TCHP: variants seen among roughly 807,000 people sequenced by gnomAD.
TCHP encodes the protein trichoplein keratin filament-binding protein.
Under a neutral mutation model 88.7 loss-of-function variants are expected in TCHP, and 81 were observed. That is an observed-to-expected ratio of 0.91 (90% confidence interval 0.76 to 1.10). TCHP has a LOEUF of 1.10. TCHP is among the 50% of genes least tolerant of loss of function. The pLI is 0.00. For synonymous variants in TCHP, 232 were observed against 232.5 expected (o/e 1.00, Z 0.02); for missense variants, 641 against 632.1 (o/e 1.01, Z -0.15).
chr12:109,895,240 C>T, the TCHP span, among the ~76,000 whole-genome samples: 3 of 139,830 alleles, frequency 2.1e-5, no homozygotes, highest in Admixed American at 7.4e-5. Context: ...GACAGTGTCT[C>T]ATTCTCTCAC....
In TCHP at chr12:109,913,684, AAG is replaced by A. The variant is rs1302532081; in HGVS notation, c.1134+619_1134+620del. Among the ~76,000 whole-genome samples, 7 of 152,286 alleles carry A rather than the reference AAG, an allele frequency of 4.6e-5. No homozygotes were observed. In the East Asian group the frequency reaches 1.3e-3, roughly 29 times the overall value. ...CAACCGCAGAGAAATCTGGGAGGAG[AAG>A]AGAGAGTGTTACCCATGGGCTGAAA... On this transcript the variant is annotated intron_variant, in intron 10 of 12. Coordinates refer to ENST00000405876, the MANE Select transcript of TCHP (RefSeq NM_001143852.2).
chr12:109,899,894 G>T (rs552625675), upstream of TCHP, among the ~76,000 whole-genome samples: 91 of 152,116 alleles, frequency 6.0e-4, no homozygotes, highest in African/African-American at 1.8e-3. Flanking sequence ...GATCTCCTGG[G>T]CTCAACTGAT....
the TCHP span, among the ~76,000 whole-genome samples, chr12:109,893,860 G>A: frequency 9.2e-5 from 14 of 152,228 alleles, no homozygotes; most frequent in African/African-American, 3.4e-4. Flanking sequence ...TAACCAATGG[G>A]GACAGAGAGA....
Position 109,915,321 on chromosome 12 carries a change from G to A in TCHP, c.1321-82G>A, listed in dbSNP as rs540527525. The A allele has an allele frequency of 1.6e-4, 249 of 1,599,706 alleles. No homozygotes were observed. The African/African-American group carries it at 2.3e-3, about 15-fold the overall frequency. ...TGGATTCTCCAGTCTGGGTAGGGCC[G>A]CAGGCTTACCTTCCTCATCAGAGGC... On this transcript the variant is annotated intron_variant, in intron 11 of 12. Coordinates refer to ENST00000405876, the MANE Select transcript of TCHP (RefSeq NM_001143852.2).
At chr12:109,913,957 C>T (rs886927033) in intron 10 of TCHP, among the ~76,000 whole-genome samples, 1 of 152,152 alleles carries the variant, frequency 6.6e-6, no homozygotes, top group Non-Finnish European at 1.5e-5. Flanking sequence ...CTGACTGTGG[C>T]CTGGGCTGGA....
chr12:109,902,278 C>T (rs868175317), intron 1 of TCHP, among the ~76,000 whole-genome samples: 3 of 152,272 alleles, frequency 2.0e-5, no homozygotes, highest in African/African-American at 7.2e-5. Context: ...TCAAGCAATC[C>T]TCCTGCCTCA....
At position 109,905,650 on chromosome 12, in the gene TCHP, C is replaced by T. The variant is rs145791402; in HGVS notation, c.456+857C>T. On this transcript the variant is annotated intron_variant, in intron 4 of 12. Coordinates refer to ENST00000405876, the MANE Select transcript of TCHP (RefSeq NM_001143852.2). The surrounding 1 kb of genome is among the most constrained non-coding windows in gnomAD (Gnocchi z 4.0). ...ATTTTCAACTTACAGTTTTTGTATA[C>T]ATTTGGTGCCTTCGTGTTATTCGTA... 1.9e-4 allele frequency among the ~76,000 whole-genome samples: 29 copies of T among 152,316 alleles called. No individual in the cohort carries two copies. The highest frequency in any genetic ancestry group is 6.5e-4 in the African/African-American group (27 of 41,568).
upstream of TCHP, among the ~76,000 whole-genome samples, chr12:109,898,021 T>A (rs1184725248): frequency 6.6e-6 from 1 of 151,942 alleles, no homozygotes; most frequent in African/African-American, 2.4e-5. Flanking sequence ...GGGGTAGGGA[T>A]TAATGGGAGG....
chr12:109,895,295 G>A (rs1286777988), upstream of TCHP, among the ~76,000 whole-genome samples: 1 of 143,862 alleles, frequency 7.0e-6, no homozygotes, highest in Non-Finnish European at 1.5e-5. Flanking sequence ...CTGCAACCTC[G>A]ACTTCCCAGG....
At chr12:109,902,030 TC>T (rs1476904424) in intron 1 of TCHP, among the ~76,000 whole-genome samples, 1 of 152,254 alleles carries the variant, frequency 6.6e-6, no homozygotes, top group Non-Finnish European at 1.5e-5. Flanking sequence ...ATACATGTGT[TC>T]CTTACATTAT....
At chr12:109,884,319 G>T in the TCHP span, among the ~76,000 whole-genome samples, 1 of 151,970 alleles carries the variant, frequency 6.6e-6, no homozygotes, top group Non-Finnish European at 1.5e-5. Context: ...CTCCCGAGTA[G>T]CTGGGACTAC....
At chr12:109,888,214 G>C in the TCHP span, 1 of 152,294 alleles carries the variant, frequency 6.6e-6, no homozygotes, top group Admixed American at 6.5e-5. Context: ...CAGGGCGGGG[G>C]AGAGGTGGGA....
chr12:109,907,413 G>A (rs1012708393), intron 5 of TCHP, 113 bp from the exon 6 acceptor site: 29 of 1,094,716 alleles, frequency 2.6e-5, no homozygotes, highest in Non-Finnish European at 3.7e-5. Flanking sequence ...TTGTCATTTG[G>A]GATTCAGGCA....
At chr12:109,907,882 G>A (rs960729141) in intron 6 of TCHP, among the ~76,000 whole-genome samples, 183 bp downstream of exon 6, 2 of 152,246 alleles carry the variant, frequency 1.3e-5, no homozygotes, top group South Asian at 2.1e-4. Context: ...CATCCTCCTC[G>A]TTTGCGTGCC....
intron 8 of TCHP, among the ~76,000 whole-genome samples, chr12:109,909,582 G>A (rs1371549894): frequency 6.6e-6 from 1 of 152,248 alleles, no homozygotes; most frequent in African/African-American, 2.4e-5. Context: ...CACTTTGAGA[G>A]GCCAAGGCAG....
rs765321270 is a variant in TCHP, at chr12:109,907,689, A to G, written c.689A>G (p.Lys230Arg). ...CAACAGATGGAGGAGCTGAAGCTGA[A>G]GGAGGTGGAGGTGGGCACAAGCCCC... ...LLQQMEELKL[K>R]EVEATKLKKE... The change falls in exon 6 of 13, where the codon AAG (lysine) becomes AGG (arginine). Residue 230 changes from lysine to arginine, a missense_variant. Physicochemically the swap from Lys to Arg is conservative, Grantham distance 26. Coordinates refer to ENST00000405876, the MANE Select transcript of TCHP (RefSeq NM_001143852.2). 37 of 1,598,746 alleles carry G rather than the reference A, an allele frequency of 2.3e-5. No homozygotes were observed. Among genetic ancestry groups the G allele is most frequent in the African/African-American group, 4.0e-5 (3 of 74,472 alleles).
At chr12:109,896,465 G>A (rs1869559474), upstream of TCHP, among the ~76,000 whole-genome samples, 1 of 152,220 alleles carries the variant, frequency 6.6e-6, no homozygotes. Flanking sequence ...AGGCTTAAAT[G>A]AGATAATATA....
the TCHP span, among the ~76,000 whole-genome samples, chr12:109,881,911 A>AC: frequency 1.5e-5 from 2 of 136,892 alleles, no homozygotes; most frequent in Non-Finnish European, 3.2e-5. Flanking sequence ...CATCCTTCCC[A>AC]CCCCTCCCCC....
intron 1 of TCHP, among the ~76,000 whole-genome samples, chr12:109,901,515 A>G (rs752710854): frequency 2.6e-5 from 4 of 152,122 alleles, no homozygotes; most frequent in Non-Finnish European, 2.9e-5. Flanking sequence ...CAACATATCA[A>G]AGAGTCCAAT....
Sources: gnomAD v4.1 joint callset for allele counts (sites outside exome capture counted in the v4.1 genomes callset) on GRCh38, gnomAD v4.1.1 for gene constraint, Gnocchi (gnomAD v3.1) non-coding constraint, MANE v1.5 for transcripts, NCBI Gene and HGNC (gene_info 2026-07-23, HGNC 2026-07-21) for gene names.